Variants in PTPRM observed in about 807,000 individuals in gnomAD.
The protein encoded by PTPRM is receptor-type tyrosine-protein phosphatase mu.
Under a neutral mutation model 186.7 loss-of-function variants are expected in PTPRM, and 47 were observed. The ratio of observed to expected loss-of-function variants is 0.25; its 90% CI spans 0.20 to 0.32. PTPRM has a LOEUF of 0.32. PTPRM is among the 10% of genes least tolerant of loss of function. The pLI, the probability that PTPRM is intolerant of heterozygous loss-of-function variation, is 1.00. For missense variants in PTPRM, 1,494 were observed against 1,865.0 expected, an observed-to-expected ratio of 0.80 and a Z score of 3.66; for synonymous variants, 668 against 674.9, an observed-to-expected ratio of 0.99 and a Z score of 0.16.
intron 15 of PTPRM, among the ~76,000 whole-genome samples, chr18:8,246,092 C>T (rs1401502664): frequency 6.6e-6 from 1 of 152,144 alleles, no homozygotes. Context: ...CATCAGATCT[C>T]ATCTGATAGG....
chr18:8,061,016 A>ACTTTCTGT lies in PTPRM; in HGVS notation c.1133-8667_1133-8660dup, dbSNP rs1171848301. On this transcript the variant is annotated intron_variant, in intron 7 of 32. Transcript: ENST00000580170. Reference sequence around the variant, plus strand: ...GTTCAATTCCTGGGTATCCTTGTTGACTTTCTGTCTCGTTGATCTGTCTAA... The same window carrying ACTTTCTGT: ...GTTCAATTCCTGGGTATCCTTGTTGACTTTCTGTCTTTCTGTCTCGTTGATCTGTCTAA... Among the ~76,000 whole-genome samples, 4 of 40,798 alleles carry ACTTTCTGT rather than the reference A, an allele frequency of 9.8e-5. 1 individual carries two copies. The highest frequency in any genetic ancestry group is 2.1e-4 in the Non-Finnish European group (4 of 19,494). The allele number at this position is 40,798 out of a possible 152,430, so 26.8% of individuals were successfully genotyped here. A position where few individuals can be genotyped will look rare whatever the true frequency, so the allele number is the denominator to read the frequency against.
chr18:8,260,441 G>A (rs929632607), intron 19 of PTPRM, among the ~76,000 whole-genome samples: 2 of 152,114 alleles, frequency 1.3e-5, no homozygotes, highest in Non-Finnish European at 2.9e-5. Flanking sequence ...TGGAGCTACA[G>A]GCATGAACCA....
chr18:7,830,770 T>C (rs949796691), intron 2 of PTPRM, among the ~76,000 whole-genome samples: 13 of 152,310 alleles, frequency 8.5e-5, no homozygotes, highest in African/African-American at 2.9e-4. Flanking sequence ...AGCTGAAGGA[T>C]AGAGAGGTAA....
chr18:7,841,439 C>G (rs2145837703), intron 2 of PTPRM, among the ~76,000 whole-genome samples: 1 of 151,940 alleles, frequency 6.6e-6, no homozygotes, highest in South Asian at 2.1e-4. Flanking sequence ...CTACAGGCAC[C>G]TGCCACCACG....
chr18:8,178,883 T>G (rs552276590), intron 14 of PTPRM, among the ~76,000 whole-genome samples: 1 of 152,358 alleles, frequency 6.6e-6, no homozygotes, highest in South Asian at 2.1e-4. Context: ...GCCATAAGCC[T>G]AGCTGTGGGT....
chr18:7,815,314 T>A (rs1422089115), intron 2 of PTPRM: 2 of 152,230 alleles, frequency 1.3e-5, no homozygotes, highest in African/African-American at 4.8e-5. Context: ...AGTACCCGAA[T>A]AAAGCCTGGC....
chr18:8,287,754 A>G (rs1601641541), intron 19 of PTPRM, among the ~76,000 whole-genome samples: 1 of 152,208 alleles, frequency 6.6e-6, no homozygotes, highest in Admixed American at 6.5e-5. Context: ...CAATATCTGC[A>G]TCAGAGGCAA....
chr18:7,648,192 G>A (rs1470830926), intron 1 of PTPRM, among the ~76,000 whole-genome samples: 3 of 152,060 alleles, frequency 2.0e-5, no homozygotes, highest in African/African-American at 7.2e-5. Context: ...ATTGTTTTGG[G>A]ATGCCATGAA....
At chr18:8,147,492 A>AT (rs2092912418) in intron 14 of PTPRM, among the ~76,000 whole-genome samples, 1 of 152,052 alleles carries the variant, frequency 6.6e-6, no homozygotes, top group Non-Finnish European at 1.5e-5. Context: ...TTTTGCGTTG[A>AT]TTTTGTATCC....
intron 1 of PTPRM, among the ~76,000 whole-genome samples, chr18:7,630,757 T>C (rs1456592546): frequency 6.6e-6 from 1 of 152,246 alleles, no homozygotes; most frequent in Non-Finnish European, 1.5e-5. Flanking sequence ...CAGTCTCTTA[T>C]ACAAGTGAGC....
chr18:8,352,537 T>C (rs2095539611), intron 23 of PTPRM, among the ~76,000 whole-genome samples: 1 of 150,646 alleles, frequency 6.6e-6, no homozygotes, highest in East Asian at 2.0e-4. Context: ...GAACATAGTA[T>C]ATTTGGTTTT....
chr18:8,004,267 G>A (rs1242711680), intron 7 of PTPRM, among the ~76,000 whole-genome samples: 2 of 152,114 alleles, frequency 1.3e-5, no homozygotes, highest in African/African-American at 4.8e-5. Flanking sequence ...TTATGAAAGG[G>A]ATCCATAGAA....
intron 1 of PTPRM, among the ~76,000 whole-genome samples, chr18:7,593,642 G>A (rs2037181020): frequency 6.6e-6 from 1 of 152,214 alleles, no homozygotes; most frequent in African/African-American, 2.4e-5. Flanking sequence ...CCACATGTCA[G>A]TCATTAATGC....
intron 19 of PTPRM, among the ~76,000 whole-genome samples, chr18:8,262,471 C>T (rs570729237): frequency 8.5e-5 from 13 of 152,318 alleles, no homozygotes; most frequent in African/African-American, 2.6e-4. Context: ...GCAGGCTGTG[C>T]TCTGCTTCTG....
intron 2 of PTPRM, among the ~76,000 whole-genome samples, chr18:7,783,123 G>A (rs1007050021): frequency 6.6e-6 from 1 of 152,174 alleles, no homozygotes; most frequent in South Asian, 2.1e-4. Flanking sequence ...GAATAAACAG[G>A]CTGATCATGA....
At chr18:8,002,055 G>A (rs569471671) in intron 7 of PTPRM, among the ~76,000 whole-genome samples, 103 of 152,258 alleles carry the variant, frequency 6.8e-4, no homozygotes, top group African/African-American at 2.2e-3. Flanking sequence ...GGCCATTAGA[G>A]GACCACGTGA....
At chr18:7,858,805 C>T (rs534163319) in intron 2 of PTPRM, among the ~76,000 whole-genome samples, 29 of 152,236 alleles carry the variant, frequency 1.9e-4, no homozygotes, top group South Asian at 1.2e-3. Flanking sequence ...CCTTTATTTA[C>T]GGAGCACCTA....
intron 15 of PTPRM, 75 bp downstream of exon 15, chr18:8,244,284 CAA>C (rs71896963): frequency 1.3e-3 from 1,383 of 1,080,576 alleles, no homozygotes; most frequent in South Asian, 4.0e-3. Flanking sequence ...TAGGGGATTT[CAA>C]AAAAAAAAAA....
chr18:7,587,760 A>G (rs1355961589), intron 1 of PTPRM, among the ~76,000 whole-genome samples: 1 of 152,204 alleles, frequency 6.6e-6, no homozygotes, highest in Non-Finnish European at 1.5e-5. Flanking sequence ...CCAAACCCAC[A>G]TATGTATAGT....
Sources: allele counts gnomAD v4.1 joint callset (sites outside exome capture counted in the v4.1 genomes callset), GRCh38; gene constraint gnomAD v4.1.1; transcripts MANE v1.5; gene names NCBI Gene and HGNC (gene_info 2026-07-23, HGNC 2026-07-21).